Variants in PRKD1 observed in about 807,000 individuals in gnomAD.
PRKD1 encodes the protein serine/threonine-protein kinase D1.
PRKD1 carries 63 observed loss-of-function variants against 95.9 expected under a neutral mutation model. That is an observed-to-expected ratio of 0.66 (90% CI 0.54 to 0.81). The LOEUF is 0.81. PRKD1 is among the 30% of genes least tolerant of loss of function. PRKD1 has a pLI of 0.00. For synonymous variants in PRKD1, 425 were observed against 423.1 expected (o/e 1.00, Z -0.05); for missense variants, 1,048 against 1,165.3 (o/e 0.90, Z 1.47).
chr14:29,760,198 T>C (rs996990627), intron 1 of PRKD1, among the ~76,000 whole-genome samples: 1 of 152,196 alleles, frequency 6.6e-6, no homozygotes, highest in Non-Finnish European at 1.5e-5. Context: ...GAAATTGTTC[T>C]ACATTCTAAT....
intron 2 of PRKD1, among the ~76,000 whole-genome samples, chr14:29,676,629 A>G (rs141154412): frequency 1.2e-4 from 19 of 152,206 alleles, no homozygotes; most frequent in African/African-American, 4.6e-4. Flanking sequence ...CTGGGATTAT[A>G]GGCATCAGCC....
Position 29,630,062 on chromosome 14 carries a change from T to TCTCTTC in PRKD1, c.1672+674_1672+679dup, listed in dbSNP as rs1193214139. Among the ~76,000 whole-genome samples, 4 of 150,254 alleles carry TCTCTTC rather than the reference T, an allele frequency of 2.7e-5. 1 individual carries two copies. Among genetic ancestry groups the TCTCTTC allele is most frequent in the African/African-American group, 9.8e-5 (4 of 40,702 alleles). On this transcript the variant is annotated intron_variant, in intron 10 of 17. Coordinates refer to ENST00000331968, the MANE Select transcript of PRKD1 (RefSeq NM_002742.3). ...CCCTCTTCTTTTTCTTCTTGCTCTT[T>TCTCTTC]CTCTTCCTCTTCCTCTTCATGTCCT...
chr14:29,741,488 T>G (rs1356997350), intron 1 of PRKD1, among the ~76,000 whole-genome samples: 1 of 152,212 alleles, frequency 6.6e-6, no homozygotes, highest in Non-Finnish European at 1.5e-5. Context: ...ATATGTAAAG[T>G]AATTACTATT....
At chr14:29,724,744 A>G (rs1049225574) in intron 2 of PRKD1, among the ~76,000 whole-genome samples, 7 of 152,210 alleles carry the variant, frequency 4.6e-5, no homozygotes, top group African/African-American at 2.4e-5. Flanking sequence ...CAAAGAAGGC[A>G]TGAGAGGAGA....
intron 9 of PRKD1, among the ~76,000 whole-genome samples, chr14:29,631,536 G>A (rs572214809): frequency 4.7e-4 from 69 of 147,956 alleles, no homozygotes; most frequent in African/African-American, 1.5e-3. Flanking sequence ...ATCTTGCTCC[G>A]TCACCTACGC....
intron 1 of PRKD1, among the ~76,000 whole-genome samples, chr14:29,890,927 ATCTATC>A (rs1366160789): frequency 2.0e-5 from 3 of 152,010 alleles, no homozygotes; most frequent in African/African-American, 7.2e-5. Flanking sequence ...TGAAAATTCT[ATCTATC>A]ACCAAGGTCA....
chr14:29,629,036 C>G lies in PRKD1; in HGVS notation c.1725+5G>C, dbSNP rs769321302. ...CAAGTTTTATATTAGTAGGTACATA[C>G]TTACCACATTTTCTTGAATCTGGCA... is the stretch of plus-strand genomic sequence containing the variant. On this transcript the variant is annotated splice_donor_5th_base_variant and intron_variant, in intron 11 of 17. Coordinates refer to ENST00000331968, the MANE Select transcript of PRKD1 (RefSeq NM_002742.3). 2.5e-6 allele frequency: 4 copies of G among 1,592,486 alleles called. No homozygotes were observed. Among genetic ancestry groups the G allele is most frequent in the Non-Finnish European group, 2.6e-6 (3 of 1,163,588 alleles).
chr14:29,912,644 C>G (rs1894757580), intron 1 of PRKD1, among the ~76,000 whole-genome samples: 1 of 152,244 alleles, frequency 6.6e-6, no homozygotes, highest in African/African-American at 2.4e-5. Context: ...AAAATTTTCT[C>G]TCTCTTATTT....
chr14:29,856,757 C>T (rs1382451467), intron 1 of PRKD1, among the ~76,000 whole-genome samples: 1 of 152,184 alleles, frequency 6.6e-6, no homozygotes, highest in African/African-American at 2.4e-5. Flanking sequence ...GGAACAGACT[C>T]CCGGGCACAT....
At chr14:29,680,102 T>C (rs562661374) in intron 2 of PRKD1, among the ~76,000 whole-genome samples, 1 of 152,186 alleles carries the variant, frequency 6.6e-6, no homozygotes, top group Non-Finnish European at 1.5e-5. Context: ...TGGACAACTT[T>C]AGTATTTCAA....
intron 13 of PRKD1, among the ~76,000 whole-genome samples, chr14:29,616,839 G>T (rs1878899555): frequency 6.6e-6 from 1 of 152,086 alleles, no homozygotes; most frequent in Non-Finnish European, 1.5e-5. Flanking sequence ...GTTACATAGG[G>T]TTTGTTATAT....
intron 1 of PRKD1, among the ~76,000 whole-genome samples, chr14:29,925,121 CTTT>C (rs1179949382): frequency 6.6e-6 from 1 of 152,078 alleles, no homozygotes; most frequent in Non-Finnish European, 1.5e-5. Context: ...TTTCAAACTT[CTTT>C]GAGAGAGAGA....
chr14:29,795,839 T>C (rs1889791589), intron 1 of PRKD1, among the ~76,000 whole-genome samples: 1 of 152,150 alleles, frequency 6.6e-6, no homozygotes, highest in Non-Finnish European at 1.5e-5. Context: ...ATAATTCAAC[T>C]TTCAATGTGT....
chr14:29,652,036 G>A (rs1037638609), intron 4 of PRKD1, among the ~76,000 whole-genome samples: 9 of 152,208 alleles, frequency 5.9e-5, no homozygotes, highest in Non-Finnish European at 1.2e-4. Flanking sequence ...GTGAACCACC[G>A]TGCCTGGCCC....
intron 1 of PRKD1, among the ~76,000 whole-genome samples, chr14:29,771,298 C>T (rs1244209847): frequency 6.6e-6 from 1 of 152,152 alleles, no homozygotes; most frequent in African/African-American, 2.4e-5. Flanking sequence ...CTGCCCCTCT[C>T]ATCACAGGCC....
intron 1 of PRKD1, among the ~76,000 whole-genome samples, chr14:29,769,243 ACTCT>A (rs766230414): frequency 6.6e-5 from 10 of 151,092 alleles, no homozygotes; most frequent in Non-Finnish European, 1.3e-4. Flanking sequence ...TATGTAACAC[ACTCT>A]CTCTCTCTCT....
At chr14:29,826,137 T>C (rs1217876673) in intron 1 of PRKD1, among the ~76,000 whole-genome samples, 1 of 149,304 alleles carries the variant, frequency 6.7e-6, no homozygotes, top group African/African-American at 2.5e-5. Flanking sequence ...TCTATATATA[T>C]ATATGGATGT....
intron 1 of PRKD1, among the ~76,000 whole-genome samples, chr14:29,726,032 CAT>C (rs1414946864): frequency 6.6e-6 from 1 of 152,044 alleles, no homozygotes; most frequent in Admixed American, 6.6e-5. Flanking sequence ...AATCCAGTAA[CAT>C]AAAAAATGGG....
chr14:29,820,532 A>G (rs1391763830), intron 1 of PRKD1, among the ~76,000 whole-genome samples: 1 of 152,198 alleles, frequency 6.6e-6, no homozygotes, highest in Non-Finnish European at 1.5e-5. Context: ...AAAAGTGAGA[A>G]GGGAATTCCA....
Sources: allele counts gnomAD v4.1 joint callset (sites outside exome capture counted in the v4.1 genomes callset), GRCh38; gene constraint gnomAD v4.1.1; transcripts MANE v1.5; gene names NCBI Gene and HGNC (gene_info 2026-07-23, HGNC 2026-07-21).